The following NPHP4 variants were observed in gnomAD, a reference collection of about 807,000 sequenced individuals.
NPHP4 encodes nephrocystin 4.
NPHP4 carries 151 observed loss-of-function variants against 155.8 expected under a neutral mutation model. That is an observed-to-expected ratio of 0.97 (90% CI 0.85 to 1.11). The LOEUF is 1.11. Ranked by LOEUF, NPHP4 falls within the 50% of genes least tolerant of loss-of-function variation. NPHP4 has a pLI of 0.00. For synonymous variants in NPHP4, 845 were observed against 816.8 expected (o/e 1.03, Z -0.59); for missense variants, 1,956 against 1,925.7 (o/e 1.02, Z -0.29).
At chr1:5,989,244 C>A (rs564875529) in intron 1 of NPHP4, among the ~76,000 whole-genome samples, 1 of 152,318 alleles carries the variant, frequency 6.6e-6, no homozygotes, top group South Asian at 2.1e-4. Context: ...GGACTTCTGA[C>A]CGGCCTAACT....
At chr1:5,968,492 C>T (rs1172058083) in intron 4 of NPHP4, among the ~76,000 whole-genome samples, 1 of 151,894 alleles carries the variant, frequency 6.6e-6, no homozygotes, top group African/African-American at 2.4e-5. Flanking sequence ...ATCCCAGCTA[C>T]GTGGGAGGAT....
At chr1:5,931,064 G>T (rs1356897389) in intron 10 of NPHP4, among the ~76,000 whole-genome samples, 1 of 152,124 alleles carries the variant, frequency 6.6e-6, no homozygotes, top group African/African-American at 2.4e-5. Flanking sequence ...TAGTTTGTCT[G>T]ATAGTGTCAA....
At chr1:5,885,300 C>A (rs1643694658) in intron 18 of NPHP4, among the ~76,000 whole-genome samples, 1 of 148,178 alleles carries the variant, frequency 6.7e-6, no homozygotes, top group Non-Finnish European at 1.5e-5. Flanking sequence ...CCCAGAAAAA[C>A]CCCCGTCCTA....
intron 2 of NPHP4, among the ~76,000 whole-genome samples, chr1:5,979,074 G>A (rs922644988): frequency 6.6e-6 from 1 of 150,788 alleles, no homozygotes. Flanking sequence ...GTGTAGACAG[G>A]CAGGACCCTG....
chr1:5,901,218 C>T (rs192175281), intron 16 of NPHP4, among the ~76,000 whole-genome samples: 30 of 152,168 alleles, frequency 2.0e-4, no homozygotes, highest in Non-Finnish European at 3.4e-4. Context: ...ATAATGGAAC[C>T]ATGCACTGGC....
chr1:5,969,348 C>A, intron 3 of NPHP4, 89 bp from the exon 4 acceptor site: 1 of 743,402 alleles, frequency 1.3e-6, no homozygotes, highest in Non-Finnish European at 2.1e-6. Flanking sequence ...AGACCGCCTT[C>A]CTACACGTGC....
chr1:5,945,575 C>A (rs1328595578), intron 9 of NPHP4, among the ~76,000 whole-genome samples: 1 of 152,142 alleles, frequency 6.6e-6, no homozygotes, highest in Non-Finnish European at 1.5e-5. Context: ...TTAGAAACAC[C>A]AAATGGCAGC....
intron 28 of NPHP4, 59 bp from the exon 29 acceptor site, chr1:5,864,092 T>C: frequency 1.9e-6 from 3 of 1,573,212 alleles, no homozygotes; most frequent in Non-Finnish European, 2.6e-6. Flanking sequence ...CCACTGGCCC[T>C]TCCTCCAAGT....
At chr1:5,917,725 G>A (rs57130028) in intron 11 of NPHP4, among the ~76,000 whole-genome samples, 2,301 of 152,272 alleles carry the variant, frequency 0.015, 39 homozygotes, top group African/African-American at 0.053. Context: ...AGACTCTTCA[G>A]TGTGGAGCAA....
At chr1:5,883,777 C>T (rs1470486131) in intron 18 of NPHP4, among the ~76,000 whole-genome samples, 3 of 152,238 alleles carry the variant, frequency 2.0e-5, no homozygotes, top group Admixed American at 1.3e-4. Flanking sequence ...GGTCCACCCA[C>T]ATCTGACTGA....
At chr1:5,990,617 T>C (rs1186992012) in intron 1 of NPHP4, among the ~76,000 whole-genome samples, 2 of 152,070 alleles carry the variant, frequency 1.3e-5, no homozygotes, top group Non-Finnish European at 2.9e-5. Context: ...AAACAGCCAA[T>C]CCAAGGTCAC....
chr1:5,948,256 A>C lies in NPHP4; in HGVS notation c.811-5T>G. ...ACCGTCCAGTGGGCCACATCCCTGGAAGAGGCACAGAAGGAATGAGCCCCG... is the reference window on the plus strand; with the variant it reads ...ACCGTCCAGTGGGCCACATCCCTGGCAGAGGCACAGAAGGAATGAGCCCCG... On this transcript the variant is annotated splice_region_variant and splice_polypyrimidine_tract_variant and intron_variant, in intron 7 of 29. Coordinates refer to ENST00000378156, the MANE Select transcript of NPHP4 (RefSeq NM_015102.5). 1 of 1,553,122 alleles carries C rather than the reference A, an allele frequency of 6.4e-7. No individual in the cohort carries two copies. Among genetic ancestry groups the C allele is most frequent in the South Asian group, 1.2e-5 (1 of 85,388 alleles).
At position 5,890,464 on chromosome 1, in the gene NPHP4, C is replaced by T. The variant is rs1644062545; in HGVS notation, c.2304+404G>A. 6.6e-6 allele frequency among the ~76,000 whole-genome samples: 1 copy of T among 152,168 alleles called. No individual in the cohort carries two copies. The highest frequency in any genetic ancestry group is 2.4e-5 in the African/African-American group (1 of 41,442). ...AGAATGAGAAAAGAACAACACGTCA[C>T]TGACCTTAGGAATCAGGTCACACTG... On this transcript the variant is annotated intron_variant, in intron 17 of 29. Transcript: ENST00000378156. This position sits in a 1 kb window ranked among gnomAD's most constrained non-coding sequence, Gnocchi z 4.9.
At chr1:5,898,682 G>T (rs565853932) in intron 16 of NPHP4, among the ~76,000 whole-genome samples, 30 of 152,334 alleles carry the variant, frequency 2.0e-4, no homozygotes, top group African/African-American at 7.2e-4. Flanking sequence ...GTCAAATTTT[G>T]GATTCTGAGA....
intron 5 of NPHP4, among the ~76,000 whole-genome samples, chr1:5,966,334 C>T (rs1478507882): frequency 1.3e-5 from 2 of 152,158 alleles, no homozygotes; most frequent in Non-Finnish European, 2.9e-5. Flanking sequence ...TAATCTCTGC[C>T]TCCTGGGGTG....
At chr1:5,919,309 T>A (rs1645622600) in intron 11 of NPHP4, among the ~76,000 whole-genome samples, 1 of 152,142 alleles carries the variant, frequency 6.6e-6, no homozygotes, top group East Asian at 1.9e-4. Flanking sequence ...TTTTTAATAC[T>A]TTTTTTGAAC....
Position 5,952,680 on chromosome 1 carries a change from T to A in NPHP4, c.810+20A>T. ...CTGCCTGGCCCCACCCTGCCCCCCA[T>A]CACGCTTCTGACTCCACACCTCCTG... On this transcript the variant is annotated intron_variant, in intron 7 of 29. Coordinates refer to ENST00000378156, the MANE Select transcript of NPHP4 (RefSeq NM_015102.5). 1 of 761,334 alleles carries A rather than the reference T, an allele frequency of 1.3e-6. No homozygotes were observed. The highest frequency in any genetic ancestry group is 2.1e-6 in the Non-Finnish European group (1 of 482,660). 47.2% of individuals were successfully genotyped at this position (761,334 alleles called of 1,614,324 possible). A position where few individuals can be genotyped will look rare whatever the true frequency, so the allele number is the denominator to read the frequency against.
intron 5 of NPHP4, among the ~76,000 whole-genome samples, chr1:5,966,956 G>A (rs940562837): frequency 3.9e-5 from 6 of 152,194 alleles, no homozygotes; most frequent in Non-Finnish European, 8.8e-5. Flanking sequence ...GGAGATAACC[G>A]ACGGCTGTGC....
At chr1:5,884,529 G>A (rs370896347) in intron 18 of NPHP4, among the ~76,000 whole-genome samples, 21 of 32,378 alleles carry the variant, frequency 6.5e-4, no homozygotes, top group East Asian at 5.1e-3. Flanking sequence ...GCTCCCAGCC[G>A]AGCCCCCGTC....
Sources: gnomAD v4.1 joint callset for allele counts (sites outside exome capture counted in the v4.1 genomes callset) on GRCh38, gnomAD v4.1.1 for gene constraint, Gnocchi (gnomAD v3.1) non-coding constraint, MANE v1.5 for transcripts, NCBI Gene and HGNC (gene_info 2026-07-23, HGNC 2026-07-21) for gene names.